MTARC2: variants seen among roughly 807,000 people sequenced by gnomAD.
MTARC2 encodes MOCO sulphurase C-terminal domain containing 2.
MTARC2 carries 27 observed loss-of-function variants against 35.6 expected under a neutral mutation model. The ratio of observed to expected loss-of-function variants is 0.76; its 90% CI spans 0.56 to 1.04. MTARC2 has a LOEUF of 1.04. Ranked by LOEUF, MTARC2 falls within the 50% of genes least tolerant of loss-of-function variation. MTARC2 has a pLI of 0.00. For missense variants in MTARC2, 412 were observed against 432.5 expected (o/e 0.95, Z 0.42); for synonymous variants, 158 against 167.1 (o/e 0.95, Z 0.42).
chr1:220,759,616 T>C (rs866689553), intron 2 of MTARC2, among the ~76,000 whole-genome samples: 2 of 152,142 alleles, frequency 1.3e-5, no homozygotes, highest in Admixed American at 6.5e-5. Context: ...TGTGCACTTA[T>C]GTACAAGTGC....
At chr1:220,768,694 T>C (rs932765413) in intron 4 of MTARC2, among the ~76,000 whole-genome samples, 6 of 152,080 alleles carry the variant, frequency 3.9e-5, no homozygotes, top group African/African-American at 1.4e-4. Context: ...TTGTGCTCAG[T>C]AAAAAATGGA....
intron 4 of MTARC2, among the ~76,000 whole-genome samples, chr1:220,763,291 C>T (rs1671492592): frequency 6.6e-6 from 1 of 152,080 alleles, no homozygotes; most frequent in South Asian, 2.1e-4. Context: ...AGTCAAAACT[C>T]GAAATTGTAG....
intron 6 of MTARC2, among the ~76,000 whole-genome samples, chr1:220,781,465 T>A (rs563618547): frequency 6.6e-6 from 1 of 152,340 alleles, no homozygotes; most frequent in Non-Finnish European, 1.5e-5. Flanking sequence ...TTTAGGGGCA[T>A]TTGTTTCAAT....
chr1:220,766,734 C>T (rs1342199658), intron 4 of MTARC2, among the ~76,000 whole-genome samples: 1 of 151,922 alleles, frequency 6.6e-6, no homozygotes, highest in Non-Finnish European at 1.5e-5. Context: ...TTTTGCTCTC[C>T]TATAACTTGT....
chr1:220,756,293 G>T (rs1007877175), intron 2 of MTARC2: 4 of 152,238 alleles, frequency 2.6e-5, no homozygotes, highest in African/African-American at 4.8e-5. Context: ...GCTCAGAGGG[G>T]AGCCTCAGAT....
intron 2 of MTARC2, among the ~76,000 whole-genome samples, chr1:220,756,813 C>T (rs944872087): frequency 1.3e-5 from 2 of 152,242 alleles, no homozygotes; most frequent in Non-Finnish European, 2.9e-5. Flanking sequence ...GGGGGACACT[C>T]ACCTTCCTGG....
intron 2 of MTARC2, among the ~76,000 whole-genome samples, chr1:220,758,715 G>A (rs1030936902): frequency 2.0e-5 from 3 of 152,136 alleles, no homozygotes; most frequent in Admixed American, 6.5e-5. Flanking sequence ...CACCGTGCAC[G>A]GCCTGATTAT....
chr1:220,754,819 T>C (rs1431172419), intron 1 of MTARC2, 128 bp from the exon 2 acceptor site: 3 of 905,606 alleles, frequency 3.3e-6, no homozygotes, highest in Non-Finnish European at 5.0e-6. Flanking sequence ...TGGATAATTG[T>C]CTGGAAAATG....
chr1:220,784,804 A>G lies in MTARC2; in HGVS notation c.*917A>G, dbSNP rs1274604808. 6.6e-6 allele frequency: 1 copy of G among 152,210 alleles called. No individual in the cohort carries two copies. Among genetic ancestry groups the G allele is most frequent in the Non-Finnish European group, 1.5e-5 (1 of 68,042 alleles). The allele number at this position is 152,210 out of a possible 1,614,324, so 9.4% of individuals were successfully genotyped here. ...TTTGTAAATAATAAATGTGAATCTC[A>G]ATCCTGCTTTATCTTTGGTATTTAT... On this transcript the variant is annotated 3_prime_UTR_variant, in exon 8 of 8. Transcript: ENST00000366913.
chr1:220,773,459 G>A (rs1449594785), intron 4 of MTARC2, among the ~76,000 whole-genome samples: 1 of 152,126 alleles, frequency 6.6e-6, no homozygotes, highest in South Asian at 2.1e-4. Flanking sequence ...CCTTTTTTGA[G>A]TTCTGGGAGT....
chr1:220,779,433 G>A (rs535475438), intron 4 of MTARC2, among the ~76,000 whole-genome samples: 4 of 152,128 alleles, frequency 2.6e-5, no homozygotes, highest in Non-Finnish European at 4.4e-5. Flanking sequence ...TCATGATAGC[G>A]CCTCCCTCAA....
At chr1:220,778,464 G>T (rs1460266018) in intron 4 of MTARC2, among the ~76,000 whole-genome samples, 1 of 152,016 alleles carries the variant, frequency 6.6e-6, no homozygotes, top group Non-Finnish European at 1.5e-5. Context: ...GATCTCGCAA[G>T]AACTCACCCA....
At chr1:220,762,332 G>A (rs982828726) in intron 3 of MTARC2, among the ~76,000 whole-genome samples, 7 of 152,134 alleles carry the variant, frequency 4.6e-5, no homozygotes, top group African/African-American at 9.7e-5. Context: ...ACAGAGTGCC[G>A]ACATGTACGA....
intron 2 of MTARC2, among the ~76,000 whole-genome samples, chr1:220,759,097 A>G (rs1254498412): frequency 2.0e-5 from 3 of 151,932 alleles, no homozygotes; most frequent in Admixed American, 6.6e-5. Flanking sequence ...CTTTTCTTCC[A>G]CTTTTACATA....
intron 7 of MTARC2, among the ~76,000 whole-genome samples, chr1:220,783,586 G>GTT (rs1672140715): frequency 6.6e-6 from 1 of 152,238 alleles, no homozygotes; most frequent in African/African-American, 2.4e-5. Context: ...AGTGGATGGA[G>GTT]GCAACAAACA....
intron 4 of MTARC2, among the ~76,000 whole-genome samples, chr1:220,774,872 T>C (rs115368568): frequency 0.024 from 3,581 of 152,222 alleles, 107 homozygotes; most frequent in African/African-American, 0.064. Context: ...TAGAGATATA[T>C]ATTCTTCACA....
rs1375161557 is a variant in MTARC2, at chr1:220,783,973, A to G, written c.*86A>G. 36 of 717,308 alleles carry G rather than the reference A, an allele frequency of 5.0e-5. No homozygotes were observed. The highest frequency in any genetic ancestry group is 8.8e-5 in the Non-Finnish European group (34 of 385,058). 44.4% of individuals were successfully genotyped at this position (717,308 alleles called of 1,614,324 possible). A position where few individuals can be genotyped will look rare whatever the true frequency, so the allele number is the denominator to read the frequency against. The stretch of plus-strand genomic sequence containing the variant: ...ATCTTAACAACAGCAGCAACGATAC[A>G]TCAGCAAATCCTTATTATCCAGCCT... On this transcript the variant is annotated 3_prime_UTR_variant, in exon 8 of 8. Coordinates refer to ENST00000366913, the MANE Select transcript of MTARC2 (RefSeq NM_017898.5).
In MTARC2 at chr1:220,761,821, G is replaced by A. The variant is rs1671445353; in HGVS notation, c.609+1G>A. 2 of 1,604,850 alleles carry A rather than the reference G, an allele frequency of 1.2e-6. No homozygotes were observed. The highest frequency in any genetic ancestry group is 1.7e-5 in the Admixed American group (1 of 58,440). On this transcript the variant is annotated splice_donor_variant, in intron 3 of 7. Transcript: ENST00000366913. LOFTEE classifies it high-confidence loss of function. ...CCCCACTCTTGATCAGAATTTCCAG[G>A]TGAGCTTACAGAGAGTTTACCTTCA...
rs72473910 is a variant in MTARC2 at position 220,783,542 on chromosome 1, C to T, written c.*32-377C>T. 3.8e-3 allele frequency among the ~76,000 whole-genome samples: 572 copies of T among 152,312 alleles called. 13 individuals carry two copies. Among genetic ancestry groups the T allele is most frequent in the South Asian group, 0.025 (120 of 4,816 alleles). ...CGATTGAGGGTTTTCCATATCACTCCGTCACAAACTCATCCAATCAGATCC... is the reference window on the plus strand; with the variant it reads ...CGATTGAGGGTTTTCCATATCACTCTGTCACAAACTCATCCAATCAGATCC... On this transcript the variant is annotated intron_variant, in intron 7 of 7. Coordinates refer to ENST00000366913, the MANE Select transcript of MTARC2 (RefSeq NM_017898.5).
Sources: gnomAD v4.1 joint callset for allele counts (sites outside exome capture counted in the v4.1 genomes callset) on GRCh38, gnomAD v4.1.1 for gene constraint, MANE v1.5 for transcripts, NCBI Gene and HGNC (gene_info 2026-07-23, HGNC 2026-07-21) for gene names.